CENPW: variants seen among roughly 807,000 people sequenced by gnomAD.
The protein encoded by CENPW is centromere protein W, also known as cancer-up-regulated gene 2 protein.
CENPW carries 3 observed loss-of-function variants against 11.1 expected under a neutral mutation model. That is an observed-to-expected ratio of 0.27 (90% CI 0.12 to 0.70). The LOEUF (loss-of-function observed/expected upper bound fraction) is 0.70, where lower values mean the gene tolerates loss of function less well. Ranked by LOEUF, CENPW falls within the 30% of genes least tolerant of loss-of-function variation. The probability of loss-of-function intolerance (pLI) is 0.77; values close to 1 mark genes in which losing one functional copy is unlikely to be tolerated. For synonymous variants in CENPW, 38 were observed against 42.0 expected, an observed-to-expected ratio of 0.91 and a Z score of 0.37; for missense variants, 100 against 105.6, an observed-to-expected ratio of 0.95 and a Z score of 0.23.
the CENPW span, among the ~76,000 whole-genome samples, chr6:126,383,294 A>G: frequency 2.6e-5 from 4 of 152,190 alleles, no homozygotes; most frequent in African/African-American, 9.6e-5. Flanking sequence ...TGAAAAGAAA[A>G]GATCACTACC....
At chr6:126,447,539 A>C in the CENPW span, among the ~76,000 whole-genome samples, 1 of 151,344 alleles carries the variant, frequency 6.6e-6, no homozygotes, top group South Asian at 2.1e-4. Flanking sequence ...AGATTTGTAG[A>C]TATTAGTATT....
At chr6:126,420,388 T>A in the CENPW span, among the ~76,000 whole-genome samples, 3 of 151,860 alleles carry the variant, frequency 2.0e-5, no homozygotes, top group African/African-American at 7.2e-5. Flanking sequence ...AGACACATTT[T>A]AAAAAAAATG....
chr6:126,360,340 CTA>C, the CENPW span, among the ~76,000 whole-genome samples: 1 of 152,086 alleles, frequency 6.6e-6, no homozygotes, highest in South Asian at 2.1e-4. Context: ...ACCTTTCTCT[CTA>C]GGTGTGTTTA....
the CENPW span, among the ~76,000 whole-genome samples, chr6:126,429,604 T>C: frequency 6.6e-6 from 1 of 152,218 alleles, no homozygotes; most frequent in African/African-American, 2.4e-5. Context: ...GCACCATGCA[T>C]GTACAGCCTG....
chr6:126,444,457 G>A, the CENPW span, among the ~76,000 whole-genome samples: 2 of 150,638 alleles, frequency 1.3e-5, no homozygotes, highest in African/African-American at 4.9e-5. Context: ...GTATCCAAAT[G>A]CTTTTTTCAC....
chr6:126,426,807 A>G, the CENPW span, among the ~76,000 whole-genome samples: 2 of 152,154 alleles, frequency 1.3e-5, no homozygotes, highest in East Asian at 3.8e-4. Flanking sequence ...TCCTTGTCAC[A>G]CTTTTACAGT....
chr6:126,439,723 A>G, the CENPW span, among the ~76,000 whole-genome samples: 1 of 151,644 alleles, frequency 6.6e-6, no homozygotes, highest in Non-Finnish European at 1.5e-5. Flanking sequence ...CTTTAGGCCA[A>G]TGAAGCCAAA....
At chr6:126,398,000 A>G in the CENPW span, among the ~76,000 whole-genome samples, 5 of 151,920 alleles carry the variant, frequency 3.3e-5, no homozygotes, top group Admixed American at 3.3e-4. Context: ...ATCAAACTAG[A>G]TTTGGTTCAT....
chr6:126,451,338 G>T, the CENPW span, among the ~76,000 whole-genome samples: 5 of 150,802 alleles, frequency 3.3e-5, no homozygotes, highest in Non-Finnish European at 5.9e-5. Flanking sequence ...CTAGAATTCA[G>T]TATACCAAGA....
chr6:126,427,096 G>A, the CENPW span, among the ~76,000 whole-genome samples: 4 of 152,074 alleles, frequency 2.6e-5, no homozygotes, highest in Admixed American at 6.6e-5. Flanking sequence ...GGAGGTGAGG[G>A]CTTTAGTGAG....
chr6:126,439,576 GT>G, the CENPW span, among the ~76,000 whole-genome samples: 1,315 of 151,698 alleles, frequency 8.7e-3, 25 homozygotes, highest in African/African-American at 0.031. Flanking sequence ...AAAAGTTTCA[GT>G]CTATCAATCA....
At chr6:126,375,629 T>C in the CENPW span, among the ~76,000 whole-genome samples, 2 of 152,254 alleles carry the variant, frequency 1.3e-5, no homozygotes, top group African/African-American at 4.8e-5. Flanking sequence ...AGGGCCTGTC[T>C]TGGGCATCAC....
the CENPW span, among the ~76,000 whole-genome samples, chr6:126,387,991 T>C: frequency 6.6e-6 from 1 of 151,960 alleles, no homozygotes; most frequent in African/African-American, 2.4e-5. Context: ...TTTGGCTGAA[T>C]CCACCTTAAA....
intron 2 of CENPW, among the ~76,000 whole-genome samples, chr6:126,347,849 G>A (rs751895678): frequency 5.3e-5 from 8 of 151,528 alleles, no homozygotes; most frequent in African/African-American, 1.5e-4. Flanking sequence ...GACTAATACC[G>A]TCAGTCTTTT....
At chr6:126,351,149 AGT>A (rs71024750), downstream of CENPW, among the ~76,000 whole-genome samples, 162 of 146,900 alleles carry the variant, frequency 1.1e-3, no homozygotes, top group African/African-American at 2.5e-3. Flanking sequence ...AGAGAGAGTG[AGT>A]GTGTGTGTGT....
chr6:126,403,636 A>G, the CENPW span, among the ~76,000 whole-genome samples: 1 of 152,064 alleles, frequency 6.6e-6, no homozygotes, highest in Non-Finnish European at 1.5e-5. Flanking sequence ...GAAATAAGAC[A>G]TCTCTGTAAC....
the CENPW span, among the ~76,000 whole-genome samples, chr6:126,393,712 G>C: frequency 6.7e-6 from 1 of 149,664 alleles, no homozygotes; most frequent in Non-Finnish European, 1.5e-5. Context: ...TTCTGTCCTT[G>C]AGAGTGATTT....
chr6:126,388,671 A>C, the CENPW span, among the ~76,000 whole-genome samples: 5 of 151,990 alleles, frequency 3.3e-5, no homozygotes, highest in Non-Finnish European at 7.4e-5. Flanking sequence ...CTTGGAGGCC[A>C]TTATAGTCAT....
chr6:126,415,617 GGACCTGGTGGGAA>G, the CENPW span, among the ~76,000 whole-genome samples: 3 of 152,128 alleles, frequency 2.0e-5, no homozygotes, highest in African/African-American at 7.2e-5. Flanking sequence ...ATTGTGGGAG[GGACCTGGTGGGAA>G]GTAATTGAAT....
Sources: gnomAD v4.1 joint callset for allele counts (sites outside exome capture counted in the v4.1 genomes callset) on GRCh38, gnomAD v4.1.1 for gene constraint, MANE v1.5 for transcripts, NCBI Gene and HGNC (gene_info 2026-07-23, HGNC 2026-07-21) for gene names.